EVA1C: variants seen among roughly 807,000 people sequenced by gnomAD.
The protein encoded by EVA1C is protein eva-1 homolog C.
A neutral mutation model predicts 45.4 loss-of-function variants in EVA1C; 25 were observed. The observed-to-expected ratio is 0.55, with a 90% confidence interval of 0.40 to 0.77. The LOEUF (loss-of-function observed/expected upper bound fraction) is 0.77. Among genes scored for constraint, EVA1C ranks in the 30% least tolerant of loss-of-function variants. EVA1C has a pLI of 0.00. For missense variants in EVA1C, 479 were observed against 554.8 expected, an observed-to-expected ratio of 0.86 and a Z score of 1.37; for synonymous variants, 190 against 221.2, an observed-to-expected ratio of 0.86 and a Z score of 1.25.
intron 5 of EVA1C, chr21:32,497,345 C>G (rs1568945315): frequency 2.0e-6 from 1 of 494,498 alleles, no homozygotes; most frequent in Non-Finnish European, 3.6e-6. Flanking sequence ...TCCGTTGAGC[C>G]AAGAAACCAT....
chr21:32,447,622 C>CCTGTGGACAT (rs762549112), intron 1 of EVA1C, among the ~76,000 whole-genome samples: 4 of 152,006 alleles, frequency 2.6e-5, no homozygotes, highest in Non-Finnish European at 4.4e-5. Context: ...GGGATTAAGG[C>CCTGTGGACAT]CTGTGGACAT....
chr21:32,438,504 A>C (rs1025568137), intron 1 of EVA1C, among the ~76,000 whole-genome samples: 1 of 151,130 alleles, frequency 6.6e-6, no homozygotes, highest in Non-Finnish European at 1.5e-5. Context: ...AAAAAAAAAA[A>C]AAAACCAAAA....
rs757492579 is a variant in EVA1C at position 32,515,023 on chromosome 21, C to T, written c.1159C>T (p.Pro387Ser). Residue 387 changes from proline (P) to serine (S), a missense_variant, in exon 8 of 8, where the codon CCA becomes TCA. By Grantham distance (74) the Pro-to-Ser change is moderately conservative (BLOSUM62 -1). This residue lies in a region of EVA1C where 366 missense variants were observed against 426.1 expected (regional missense o/e 0.86). Coordinates refer to ENST00000300255, the MANE Select transcript of EVA1C (RefSeq NM_058187.5). ...EEEDPSESDF[P>S]GELSGFCRTS... ...GGAGGACCCCTCTGAGTCTGATTTCCCAGGGGAACTGTCGGGGTTCTGTAG... is the reference window on the plus strand; with the variant it reads ...GGAGGACCCCTCTGAGTCTGATTTCTCAGGGGAACTGTCGGGGTTCTGTAG... The T allele has an allele frequency of 1.9e-6, 3 of 1,613,982 alleles. No homozygotes were observed. In the South Asian group the frequency reaches 3.3e-5, roughly 18 times the overall value.
At chr21:32,461,304 T>C (rs751129264) in intron 3 of EVA1C, among the ~76,000 whole-genome samples, 5 of 152,198 alleles carry the variant, frequency 3.3e-5, no homozygotes, top group Non-Finnish European at 7.3e-5. Flanking sequence ...GCTCTATCTA[T>C]AGGGCAGCAT....
chr21:32,468,763 T>G (rs2036272338), intron 4 of EVA1C, among the ~76,000 whole-genome samples: 1 of 152,122 alleles, frequency 6.6e-6, no homozygotes. Context: ...AGATTAAGGG[T>G]GAATCTGCCT....
intron 1 of EVA1C, among the ~76,000 whole-genome samples, chr21:32,442,139 T>G (rs1392264156): frequency 1.3e-5 from 2 of 152,206 alleles, no homozygotes; most frequent in Non-Finnish European, 2.9e-5. Context: ...AAATATATTG[T>G]CTCTGCCTTG....
chr21:32,511,791 C>T (rs1331295415), intron 7 of EVA1C, among the ~76,000 whole-genome samples: 1 of 152,080 alleles, frequency 6.6e-6, no homozygotes, highest in African/African-American at 2.4e-5. Context: ...CATCAGTTAC[C>T]TCCTAGGGTA....
At chr21:32,468,773 T>C (rs967776438) in intron 4 of EVA1C, among the ~76,000 whole-genome samples, 1 of 152,188 alleles carries the variant, frequency 6.6e-6, no homozygotes, top group Non-Finnish European at 1.5e-5. Flanking sequence ...TGAATCTGCC[T>C]TTCCCAGCCC....
chr21:32,468,844 T>G (rs2036275065), intron 4 of EVA1C, among the ~76,000 whole-genome samples: 1 of 152,180 alleles, frequency 6.6e-6, no homozygotes. Flanking sequence ...GGAAATACTT[T>G]GTATCCTTCA....
chr21:32,430,328 A>G (rs1239010513), intron 1 of EVA1C, among the ~76,000 whole-genome samples: 3 of 152,026 alleles, frequency 2.0e-5, no homozygotes, highest in Non-Finnish European at 2.9e-5. Context: ...GGGTGCAAGG[A>G]GTCACCCACA....
In EVA1C at chr21:32,452,992, A is replaced by T. The variant is rs2035638705; in HGVS notation, c.161-320A>T. The T allele has an allele frequency of 4.0e-6, 1 of 252,670 alleles. No homozygotes were observed. The highest frequency in any genetic ancestry group is 1.5e-4 in the South Asian group (1 of 6,820). 15.7% of individuals were successfully genotyped at this position (252,670 alleles called of 1,614,324 possible). A position where few individuals can be genotyped will look rare whatever the true frequency, so the allele number is the denominator to read the frequency against. ...GTCTTGGAAAATGCAACATTTGGAC[A>T]TGAAAACAGGAGTGCCTGTTCTCAC... On this transcript the variant is annotated intron_variant, in intron 1 of 7. Coordinates refer to ENST00000300255, the MANE Select transcript of EVA1C (RefSeq NM_058187.5). This position sits in a 1 kb window ranked among gnomAD's most constrained non-coding sequence, Gnocchi z 4.0.
intron 1 of EVA1C, among the ~76,000 whole-genome samples, chr21:32,433,725 C>T (rs1402944976): frequency 3.9e-5 from 6 of 152,108 alleles, no homozygotes; most frequent in African/African-American, 1.4e-4. Flanking sequence ...TGCATTCCCT[C>T]TCCCACAAAA....
intron 1 of EVA1C, among the ~76,000 whole-genome samples, chr21:32,448,182 C>T (rs773542971): frequency 5.9e-5 from 9 of 152,292 alleles, no homozygotes; most frequent in African/African-American, 9.6e-5. Flanking sequence ...TGGGCAGGCA[C>T]CCTGGAGGAC....
chr21:32,464,557 C>G (rs184468696), intron 3 of EVA1C, among the ~76,000 whole-genome samples: 1 of 152,228 alleles, frequency 6.6e-6, no homozygotes, highest in Non-Finnish European at 1.5e-5. Context: ...CATGGTGACT[C>G]ACGCCTGTAA....
chr21:32,412,967 T>G lies in EVA1C; in HGVS notation c.114T>G (p.Thr38=), dbSNP rs1252307660. 3 of 1,527,038 alleles carry G rather than the reference T, an allele frequency of 2.0e-6. No homozygotes were observed. Among genetic ancestry groups the G allele is most frequent in the Middle Eastern group, 1.7e-4 (1 of 5,842 alleles). The allele number at this position is 1,527,038 out of a possible 1,614,324, so 94.6% of individuals were successfully genotyped here. The change falls in exon 1 of 8, where the codon ACT becomes ACG. Residue 38 remains threonine (T), a synonymous_variant. Transcript: ENST00000300255. ...PGQLLRLFYC[T]VLVCSKEISA... ...AGCTCCTGCGCCTCTTCTACTGCACTGTCCTGGTCTGCTCCAAAGAGATCT... is the reference window on the plus strand; with the variant it reads ...AGCTCCTGCGCCTCTTCTACTGCACGGTCCTGGTCTGCTCCAAAGAGATCT...
Position 32,455,136 on chromosome 21 carries a change from T to C in EVA1C, c.357+1628T>C, listed in dbSNP as rs534067253. On this transcript the variant is annotated intron_variant, in intron 2 of 7. Coordinates refer to ENST00000300255, the MANE Select transcript of EVA1C (RefSeq NM_058187.5). ...CAGGAAGTCCAAGAGCAAGGCGCCA[T>C]AGGTTTGGTGTCTCTACTTCCAGGA... 3.9e-5 allele frequency among the ~76,000 whole-genome samples: 6 copies of C among 152,258 alleles called. No homozygotes were observed. In the East Asian group the frequency reaches 9.7e-4, roughly 24 times the overall value.
At position 32,412,866 on chromosome 21, in the gene EVA1C, G is replaced by A. The variant is rs1377636359; in HGVS notation, c.13G>A (p.Gly5Arg). The A allele has an allele frequency of 6.0e-6, 9 of 1,493,766 alleles. No individual in the cohort carries two copies. The highest frequency in any genetic ancestry group is 2.8e-5 in the East Asian group (1 of 35,618). 92.5% of individuals were successfully genotyped at this position (1,493,766 alleles called of 1,614,324 possible). Residue 5 changes from glycine to arginine, a missense_variant, in exon 1 of 8, where the codon GGA becomes AGA. Physicochemically the swap from Gly to Arg is moderately radical, Grantham distance 125 (BLOSUM62 -2). This residue lies in a region of EVA1C where 80 missense variants were observed against 63.8 expected (regional missense o/e 1.25). Transcript: ENST00000300255. MLLP[G>R]RARQPPTPQP... ...CGCGCAGCGCACGATGCTTCTGCCGGGACGCGCACGCCAACCGCCGACGCC... is the reference window on the plus strand; with the variant it reads ...CGCGCAGCGCACGATGCTTCTGCCGAGACGCGCACGCCAACCGCCGACGCC...
Position 32,495,163 on chromosome 21 carries a change from C to T in EVA1C, c.771C>T (p.Tyr257=), listed in dbSNP as rs61739732. 4,946 of 1,613,986 alleles carry T rather than the reference C, an allele frequency of 3.1e-3. 136 individuals carry two copies. The African/African-American group carries it at 0.056, about 18-fold the overall frequency. ...PGVKKYLTVT[Y]ACVPKNILTA... ...TGAAAAAATACCTCACTGTGACCTACGCATGTGGTAAGAACACACCCCCGA... is the reference window on the plus strand; with the variant it reads ...TGAAAAAATACCTCACTGTGACCTATGCATGTGGTAAGAACACACCCCCGA... Residue 257 remains tyrosine (Y), a synonymous_variant, in exon 5 of 8, where the codon TAC becomes TAT. Transcript: ENST00000300255.
chr21:32,496,073 C>G (rs1436600122), intron 5 of EVA1C, among the ~76,000 whole-genome samples: 1 of 152,192 alleles, frequency 6.6e-6, no homozygotes, highest in African/African-American at 2.4e-5. Context: ...GTGCTACCAT[C>G]ACCACAATCA....
Sources: allele counts gnomAD v4.1 joint callset (sites outside exome capture counted in the v4.1 genomes callset), GRCh38; gene constraint gnomAD v4.1.1; regional missense constraint gnomAD v4.1.1; non-coding constraint Gnocchi (gnomAD v3.1); transcripts MANE v1.5; gene names NCBI Gene and HGNC (gene_info 2026-07-23, HGNC 2026-07-21).